DOCK1: variants seen among roughly 807,000 people sequenced by gnomAD.
The protein encoded by DOCK1 is dedicator of cytokinesis protein 1.
In DOCK1, 138 loss-of-function variants were observed where a neutral mutation model predicts 262.7. The ratio of observed to expected loss-of-function variants is 0.53; its 90% confidence interval spans 0.46 to 0.61. The LOEUF is 0.61. Among genes scored for constraint, DOCK1 ranks in the 20% least tolerant of loss-of-function variants. DOCK1 has a pLI of 0.00. For synonymous variants in DOCK1, 866 were observed against 867.4 expected, an observed-to-expected ratio of 1.00 and a Z score of 0.03; for missense variants, 1,908 against 2,370.7, an observed-to-expected ratio of 0.80 and a Z score of 4.05.
intron 27 of DOCK1, among the ~76,000 whole-genome samples, chr10:127,167,509 C>A (rs941819531): frequency 6.6e-6 from 1 of 152,046 alleles, no homozygotes; most frequent in African/African-American, 2.4e-5. Context: ...GGTTCCCCCC[C>A]GCCCCGAAAC....
intron 23 of DOCK1, among the ~76,000 whole-genome samples, chr10:127,093,252 T>TCTTC (rs57679482): frequency 1.2e-5 from 1 of 81,708 alleles, no homozygotes; most frequent in African/African-American, 5.0e-5. Context: ...CTTTTTTTTT[T>TCTTC]TTTTTTTTTT....
intron 47 of DOCK1, among the ~76,000 whole-genome samples, chr10:127,429,025 G>GTGTGGATTGGGGTGTCA (rs796192728): frequency 1.4e-5 from 2 of 145,342 alleles, no homozygotes; most frequent in East Asian, 2.1e-4. Context: ...TTGGGGTGCC[G>GTGTGGATTGGGGTGTCA]TGTGGATTGG....
chr10:127,093,242 C>CTTTTCTTTCTTTCTTTCTTTCATCTT, intron 23 of DOCK1, among the ~76,000 whole-genome samples: 1 of 79,314 alleles, frequency 1.3e-5, no homozygotes, highest in African/African-American at 6.6e-5. Flanking sequence ...TTTCTTTCTT[C>CTTTTCTTTCTTTCTTTCTTTCATCTT]TTTTTTTTTT....
At chr10:126,978,766 A>G (rs746997431) in intron 3 of DOCK1, among the ~76,000 whole-genome samples, 7 of 152,134 alleles carry the variant, frequency 4.6e-5, no homozygotes, top group Admixed American at 6.5e-5. Flanking sequence ...TTTGTGTCCT[A>G]AATTTACCTC....
chr10:127,343,429 G>T (rs74566413), intron 30 of DOCK1, among the ~76,000 whole-genome samples: 3 of 152,112 alleles, frequency 2.0e-5, no homozygotes, highest in Non-Finnish European at 4.4e-5. Context: ...TGGCAGACCC[G>T]GGATTTGAAT....
chr10:126,912,987 ATT>A (rs71488594), intron 1 of DOCK1, among the ~76,000 whole-genome samples: 7 of 144,388 alleles, frequency 4.8e-5, no homozygotes, highest in Admixed American at 6.9e-5. Flanking sequence ...TGGCCTTTGA[ATT>A]TTTTTTTTTT....
intron 29 of DOCK1, among the ~76,000 whole-genome samples, chr10:127,309,696 A>G (rs971470305): frequency 6.6e-6 from 1 of 152,152 alleles, no homozygotes; most frequent in Non-Finnish European, 1.5e-5. Context: ...TTAAATAGGG[A>G]ATGCTTTCCC....
chr10:127,419,553 G>C (rs77994677), intron 45 of DOCK1, 113 bp from the exon 46 acceptor site: 1 of 989,668 alleles, frequency 1.0e-6, no homozygotes, highest in African/African-American at 1.6e-5. Context: ...AGTGAGCTTC[G>C]TGTGGATCTG....
At chr10:127,385,830 A>G (rs1464643748) in intron 38 of DOCK1, among the ~76,000 whole-genome samples, 1 of 152,186 alleles carries the variant, frequency 6.6e-6, no homozygotes, top group Non-Finnish European at 1.5e-5. Context: ...TTCCTCCGTC[A>G]TCACAGGCCT....
At chr10:127,428,174 T>TA (rs1395127739) in intron 47 of DOCK1, among the ~76,000 whole-genome samples, 1 of 152,276 alleles carries the variant, frequency 6.6e-6, no homozygotes, top group African/African-American at 2.4e-5. Flanking sequence ...TAATTCATTC[T>TA]AAGAAACAAA....
intron 29 of DOCK1, among the ~76,000 whole-genome samples, chr10:127,312,641 A>G (rs2062105919): frequency 6.6e-6 from 1 of 152,126 alleles, no homozygotes; most frequent in Non-Finnish European, 1.5e-5. Flanking sequence ...TTACGGGCTC[A>G]TCCCAGTGGG....
At chr10:127,094,764 T>C (rs931959993) in intron 23 of DOCK1, among the ~76,000 whole-genome samples, 1 of 152,264 alleles carries the variant, frequency 6.6e-6, no homozygotes, top group Non-Finnish European at 1.5e-5. Flanking sequence ...CCCCACTCAC[T>C]GTTTGCAAAA....
chr10:127,076,333 C>T, intron 23 of DOCK1, among the ~76,000 whole-genome samples: 1 of 152,166 alleles, frequency 6.6e-6, no homozygotes, highest in Admixed American at 6.5e-5. Context: ...AACCCCGTCT[C>T]TACTAAAAAT....
At chr10:126,967,051 C>T (rs2037729087) in intron 1 of DOCK1, among the ~76,000 whole-genome samples, 1 of 152,152 alleles carries the variant, frequency 6.6e-6, no homozygotes, top group African/African-American at 2.4e-5. Context: ...TGGTGCTACC[C>T]TTGCCAGGAT....
chr10:127,325,003 C>A (rs967233445), intron 29 of DOCK1, among the ~76,000 whole-genome samples: 2 of 152,178 alleles, frequency 1.3e-5, no homozygotes, highest in African/African-American at 4.8e-5. Flanking sequence ...CACTGGGCTT[C>A]CTACACACAC....
intron 1 of DOCK1, among the ~76,000 whole-genome samples, chr10:126,941,553 G>C (rs1176653459): frequency 6.6e-6 from 1 of 151,708 alleles, no homozygotes; most frequent in East Asian, 1.9e-4. Context: ...TCAGGAGATC[G>C]AGACCATCCT....
chr10:127,247,447 A>G (rs938791821), intron 27 of DOCK1, among the ~76,000 whole-genome samples: 1 of 152,146 alleles, frequency 6.6e-6, no homozygotes, highest in African/African-American at 2.4e-5. Context: ...TTGAGAAATT[A>G]GAGGCCTTTC....
At position 127,378,703 on chromosome 10, in the gene DOCK1, A is replaced by G. The variant is rs182041752; in HGVS notation, c.3676-1379A>G. On this transcript the variant is annotated intron_variant, in intron 35 of 51. Coordinates refer to ENST00000623213, the MANE Select transcript of DOCK1 (RefSeq NM_001290223.2). ...AAAGGATTAAAAATATGAGTACAAA[A>G]GGGGATGGTGTGAAACCGTAGCTTG... 4.1e-3 allele frequency among the ~76,000 whole-genome samples: 626 copies of G among 152,344 alleles called. 5 individuals are homozygous for G. Among genetic ancestry groups the G allele is most frequent in the Middle Eastern group, 0.017 (5 of 292 alleles).
intron 1 of DOCK1, among the ~76,000 whole-genome samples, chr10:126,916,228 G>C (rs1029417270): frequency 6.6e-6 from 1 of 152,182 alleles, no homozygotes; most frequent in Admixed American, 6.5e-5. Context: ...GAGCAGGACC[G>C]TGTGTGTGGA....
Sources: allele counts gnomAD v4.1 joint callset (sites outside exome capture counted in the v4.1 genomes callset), GRCh38; gene constraint gnomAD v4.1.1; transcripts MANE v1.5; gene names NCBI Gene and HGNC (gene_info 2026-07-23, HGNC 2026-07-21).